Variants in AKR1C8 observed in about 807,000 individuals in gnomAD.
AKR1C8 encodes the protein aldo-keto reductase family 1 member C-like protein 1.
chr10:5,131,368 G>A, the AKR1C8 span, among the ~76,000 whole-genome samples: 1 of 152,008 alleles, frequency 6.6e-6, no homozygotes, highest in African/African-American at 2.4e-5. Context: ...CACAGCAAAA[G>A]AAATAATCAT....
chr10:5,130,374 CA>C, the AKR1C8 span, among the ~76,000 whole-genome samples: 3 of 151,986 alleles, frequency 2.0e-5, no homozygotes, highest in South Asian at 6.2e-4. Context: ...CAAGGATGCT[CA>C]ATTTTACCAC....
At chr10:5,162,005 T>C in the AKR1C8 span, 2 of 525,388 alleles carry the variant, frequency 3.8e-6, no homozygotes, top group East Asian at 5.6e-5. Context: ...AAATGGATTA[T>C]AATTTCACAC....
chr10:5,177,030 A>C, the AKR1C8 span, among the ~76,000 whole-genome samples: 1 of 151,382 alleles, frequency 6.6e-6, no homozygotes, highest in Admixed American at 6.6e-5. Context: ...TAGGAGTGGT[A>C]AGAGAGGGCA....
At chr10:5,119,386 A>G in the AKR1C8 span, among the ~76,000 whole-genome samples, 1 of 152,196 alleles carries the variant, frequency 6.6e-6, no homozygotes, top group Non-Finnish European at 1.5e-5. Context: ...TATATATAAA[A>G]GTACATAATC....
the AKR1C8 span, among the ~76,000 whole-genome samples, chr10:5,120,344 T>G: frequency 7.6e-3 from 1,121 of 148,408 alleles, 18 homozygotes; most frequent in African/African-American, 0.027. Flanking sequence ...TCTATATTTC[T>G]GTGTGTGTGT....
chr10:5,131,160 C>T, the AKR1C8 span, among the ~76,000 whole-genome samples: 1 of 151,934 alleles, frequency 6.6e-6, no homozygotes, highest in Admixed American at 6.6e-5. Context: ...TACCATCTCT[C>T]CTTATACACA....
the AKR1C8 span, among the ~76,000 whole-genome samples, chr10:5,116,812 C>T: frequency 4.6e-5 from 7 of 152,144 alleles, no homozygotes; most frequent in East Asian, 1.9e-4. Flanking sequence ...GTGGCCCCTG[C>T]GTATCATGCA....
chr10:5,179,212 A>T, the AKR1C8 span, among the ~76,000 whole-genome samples: 1 of 152,194 alleles, frequency 6.6e-6, no homozygotes, highest in Middle Eastern at 3.4e-3. Context: ...TTGTCTGTAA[A>T]GTATTTTATT....
At chr10:5,122,073 T>TGCAA in the AKR1C8 span, 277,687 of 325,070 alleles carry the variant, frequency 0.85, 119,308 homozygotes, top group African/African-American at 0.96. Flanking sequence ...TGAAAGAATC[T>TGCAA]GCATCACTTA....
the AKR1C8 span, among the ~76,000 whole-genome samples, chr10:5,169,244 G>A: frequency 6.6e-6 from 1 of 152,174 alleles, no homozygotes; most frequent in African/African-American, 2.4e-5. Flanking sequence ...AAGTGGTAGT[G>A]TTTGTCCGAG....
the AKR1C8 span, among the ~76,000 whole-genome samples, chr10:5,120,063 G>T: frequency 6.6e-6 from 1 of 152,142 alleles, no homozygotes; most frequent in Non-Finnish European, 1.5e-5. Flanking sequence ...TTGTTTACCG[G>T]AATGATGGCA....
the AKR1C8 span, among the ~76,000 whole-genome samples, chr10:5,176,242 C>T: frequency 8.3e-4 from 107 of 129,630 alleles, no homozygotes; most frequent in African/African-American, 2.7e-3. Context: ...GGATTCCTTT[C>T]CCCATTGCTT....
the AKR1C8 span, among the ~76,000 whole-genome samples, chr10:5,144,665 GCTCT>G: frequency 1.8e-4 from 28 of 152,094 alleles, no homozygotes; most frequent in African/African-American, 5.1e-4. Context: ...TCATGATTTG[GCTCT>G]CTGTCTGTTA....
the AKR1C8 span, among the ~76,000 whole-genome samples, chr10:5,148,597 CTCT>C: frequency 6.6e-6 from 1 of 152,070 alleles, no homozygotes; most frequent in South Asian, 2.1e-4. Context: ...TCTTGTGAGC[CTCT>C]TATTAGTGCT....
chr10:5,132,872 G>C, the AKR1C8 span: 1 of 496,486 alleles, frequency 2.0e-6, no homozygotes, highest in Non-Finnish European at 3.5e-6. Context: ...CTTGCATCTT[G>C]GGTTAGTTCT....
chr10:5,139,039 T>G, the AKR1C8 span, among the ~76,000 whole-genome samples: 3 of 152,038 alleles, frequency 2.0e-5, no homozygotes, highest in Non-Finnish European at 2.9e-5. Flanking sequence ...AAATCATGAG[T>G]GAACTCCCAT....
chr10:5,142,827 G>GA, the AKR1C8 span, among the ~76,000 whole-genome samples: 1 of 151,990 alleles, frequency 6.6e-6, no homozygotes, highest in Non-Finnish European at 1.5e-5. Flanking sequence ...GAAATGTGGG[G>GA]AAAAAACACA....
At chr10:5,183,132 C>T in the AKR1C8 span, among the ~76,000 whole-genome samples, 2 of 152,012 alleles carry the variant, frequency 1.3e-5, no homozygotes, top group South Asian at 4.2e-4. Context: ...TTAGACTAAC[C>T]CTACTTATTC....
At chr10:5,183,503 A>G in the AKR1C8 span, among the ~76,000 whole-genome samples, 1 of 152,108 alleles carries the variant, frequency 6.6e-6, no homozygotes. Context: ...AAACTATCAA[A>G]CTCTAAATGG....
Sources: allele counts gnomAD v4.1 joint callset (sites outside exome capture counted in the v4.1 genomes callset), GRCh38; gene constraint gnomAD v4.1.1; transcripts MANE v1.5; gene names NCBI Gene and HGNC (gene_info 2026-07-23, HGNC 2026-07-21).